The following RAD51B variants were observed in gnomAD, a reference collection of about 807,000 sequenced individuals.
The protein encoded by RAD51B is RAD51 paralog B, also known as DNA repair protein RAD51 homolog 2.
A neutral mutation model predicts 42.2 loss-of-function variants in RAD51B; 38 were observed. The ratio of observed to expected loss-of-function variants is 0.90; its 90% CI spans 0.70 to 1.18. The LOEUF (loss-of-function observed/expected upper bound fraction) is 1.18. Ranked by LOEUF, RAD51B falls within the 50% of genes most tolerant of loss-of-function variation. The pLI, the probability that RAD51B is intolerant of heterozygous loss-of-function variation, is 0.00. For missense variants in RAD51B, 373 were observed against 400.7 expected (o/e 0.93, Z 0.59); for synonymous variants, 154 against 145.2 (o/e 1.06, Z -0.43).
intron 7 of RAD51B, among the ~76,000 whole-genome samples, chr14:68,272,663 A>ATTTTTTTTTTTTTTTTTTTTTTTT (rs2081138650): frequency 5.8e-5 from 1 of 17,118 alleles, no homozygotes; most frequent in Non-Finnish European, 1.0e-4. Flanking sequence ...ATATATATAT[A>ATTTTTTTTTTTTTTTTTTTTTTTT]TATTTTTTTT....
chr14:68,653,356 A>G (rs61095830), intron 11 of RAD51B, among the ~76,000 whole-genome samples: 32,876 of 152,196 alleles, frequency 0.22, 3,841 homozygotes, highest in African/African-American at 0.27. Flanking sequence ...CCTGGGCAAC[A>G]TAGCAAGACC....
chr14:68,064,073 A>T (rs2076611566), intron 7 of RAD51B, among the ~76,000 whole-genome samples: 1 of 151,978 alleles, frequency 6.6e-6, no homozygotes, highest in South Asian at 2.1e-4. Context: ...TGTTTTCATG[A>T]TGGTAGTTAT....
chr14:68,405,781 A>T (rs1831607572), intron 8 of RAD51B, among the ~76,000 whole-genome samples: 1 of 150,186 alleles, frequency 6.7e-6, no homozygotes, highest in Non-Finnish European at 1.5e-5. Flanking sequence ...ATCTCTGAAG[A>T]CATCCTGTGT....
At chr14:67,916,920 A>G (rs2044169806) in intron 7 of RAD51B, among the ~76,000 whole-genome samples, 1 of 152,236 alleles carries the variant, frequency 6.6e-6, no homozygotes, top group Non-Finnish European at 1.5e-5. Context: ...AAGGAATTGT[A>G]TGTTAAAAAT....
At chr14:68,325,220 G>A (rs547085845) in intron 8 of RAD51B, among the ~76,000 whole-genome samples, 1 of 152,338 alleles carries the variant, frequency 6.6e-6, no homozygotes, top group Admixed American at 6.5e-5. Flanking sequence ...GATTAAGTGA[G>A]TTAAGATATG....
intron 7 of RAD51B, among the ~76,000 whole-genome samples, chr14:67,891,624 G>A (rs1415647812): frequency 6.6e-6 from 1 of 151,488 alleles, no homozygotes; most frequent in East Asian, 1.9e-4. Flanking sequence ...CTTTTTAATG[G>A]TGAACTTCAT....
At chr14:68,019,201 C>A (rs1254607034) in intron 7 of RAD51B, among the ~76,000 whole-genome samples, 2 of 151,460 alleles carry the variant, frequency 1.3e-5, no homozygotes, top group African/African-American at 4.8e-5. Context: ...TATAAAGGAG[C>A]CTTGCAAGGA....
At position 67,875,107 on chromosome 14, in the gene RAD51B, T is replaced by C. The variant is rs575884371; in HGVS notation, c.452+9968T>C. Among the ~76,000 whole-genome samples the C allele has an allele frequency of 4.6e-5, 7 of 151,908 alleles. No individual in the cohort carries two copies. In the South Asian group the frequency reaches 1.2e-3, roughly 27 times the overall value. On this transcript the variant is annotated intron_variant, in intron 5 of 10. Coordinates refer to ENST00000471583, the MANE Select transcript of RAD51B (RefSeq NM_133510.4). ...TCTGGAAGGTGGGAACCTGAGGAGG[T>C]AGGATATAGGACTGGAATTTTAGGA...
At chr14:68,259,627 G>A (rs141466228) in intron 7 of RAD51B, among the ~76,000 whole-genome samples, 1 of 152,234 alleles carries the variant, frequency 6.6e-6, no homozygotes, top group African/African-American at 2.4e-5. Context: ...GTGGTAATCT[G>A]CCACATGTGG....
intron 3 of RAD51B, among the ~76,000 whole-genome samples, chr14:67,832,924 C>T (rs969293341): frequency 2.0e-5 from 3 of 152,000 alleles, no homozygotes; most frequent in Non-Finnish European, 2.9e-5. Context: ...ATTTTAATAT[C>T]CCAGAAGATT....
intron 7 of RAD51B, among the ~76,000 whole-genome samples, chr14:68,289,251 G>C (rs1322070486): frequency 6.6e-6 from 1 of 152,130 alleles, no homozygotes; most frequent in East Asian, 1.9e-4. Flanking sequence ...TATTTACTAT[G>C]TGTCAGATAC....
intron 9 of RAD51B, among the ~76,000 whole-genome samples, chr14:68,414,012 C>T (rs905779201): frequency 1.4e-5 from 2 of 143,580 alleles, no homozygotes; most frequent in African/African-American, 5.2e-5. Context: ...TATTTTATCC[C>T]GTTTCTATGA....
At chr14:68,590,019 A>T (rs940530546) in intron 10 of RAD51B, among the ~76,000 whole-genome samples, 2 of 152,088 alleles carry the variant, frequency 1.3e-5, no homozygotes, top group African/African-American at 2.4e-5. Context: ...GCCACTTCAG[A>T]CCCAGCCCAT....
chr14:68,145,691 G>A (rs2078233755), intron 7 of RAD51B, among the ~76,000 whole-genome samples: 1 of 152,196 alleles, frequency 6.6e-6, no homozygotes, highest in Admixed American at 6.5e-5. Flanking sequence ...ATTACTGAAA[G>A]TTATTTATAT....
chr14:68,365,679 A>T (rs1174084213), intron 8 of RAD51B, among the ~76,000 whole-genome samples: 1 of 152,222 alleles, frequency 6.6e-6, no homozygotes, highest in Non-Finnish European at 1.5e-5. Context: ...AGACATTTTC[A>T]TTCTCTCATG....
At chr14:68,079,789 C>A (rs1207139979) in intron 7 of RAD51B, among the ~76,000 whole-genome samples, 1 of 152,182 alleles carries the variant, frequency 6.6e-6, no homozygotes, top group Non-Finnish European at 1.5e-5. Flanking sequence ...TAATTTCATT[C>A]ATCACCATCT....
At chr14:68,286,350 C>A (rs1055953894) in intron 7 of RAD51B, among the ~76,000 whole-genome samples, 2 of 152,330 alleles carry the variant, frequency 1.3e-5, no homozygotes, top group African/African-American at 2.4e-5. Context: ...TTCTTGGGTC[C>A]TTAAAAAATC....
At chr14:67,931,679 T>C (rs1277470814) in intron 7 of RAD51B, among the ~76,000 whole-genome samples, 1 of 152,004 alleles carries the variant, frequency 6.6e-6, no homozygotes, top group Non-Finnish European at 1.5e-5. Context: ...ATTTTTTGTA[T>C]TTTTAGTAGA....
intron 7 of RAD51B, among the ~76,000 whole-genome samples, chr14:68,189,840 A>G (rs1368379500): frequency 6.6e-6 from 1 of 151,946 alleles, no homozygotes; most frequent in African/African-American, 2.4e-5. Flanking sequence ...TAATTTTTGT[A>G]TTTTTAGTAG....
Sources: allele counts gnomAD v4.1 joint callset (sites outside exome capture counted in the v4.1 genomes callset), GRCh38; gene constraint gnomAD v4.1.1; transcripts MANE v1.5; gene names NCBI Gene and HGNC (gene_info 2026-07-23, HGNC 2026-07-21).